The following DPH6 variants were observed in gnomAD, a reference collection of about 807,000 sequenced individuals.
The protein encoded by DPH6 is diphthamine biosynthesis 6, also known as diphthine--ammonia ligase.
Under a neutral mutation model 38.2 loss-of-function variants are expected in DPH6, and 33 were observed. The observed-to-expected ratio is 0.86, with a 90% confidence interval of 0.65 to 1.15. The LOEUF is 1.15. Ranked by LOEUF, DPH6 falls within the 50% of genes most tolerant of loss-of-function variation. The pLI, the probability that DPH6 is intolerant of heterozygous loss-of-function variation, is 0.00. For synonymous variants in DPH6, 108 were observed against 103.0 expected, an observed-to-expected ratio of 1.05 and a Z score of -0.30; for missense variants, 325 against 320.0, an observed-to-expected ratio of 1.02 and a Z score of -0.12.
chr15:35,316,375 G>C (rs2052188757), intron 3 of DPH6, among the ~76,000 whole-genome samples: 1 of 152,118 alleles, frequency 6.6e-6, no homozygotes, highest in South Asian at 2.1e-4. Context: ...GTCAAAAATA[G>C]ATGATAGGAT....
At chr15:35,408,182 A>G (rs1359697683) in intron 6 of DPH6, among the ~76,000 whole-genome samples, 2 of 151,998 alleles carry the variant, frequency 1.3e-5, no homozygotes, top group African/African-American at 4.8e-5. Flanking sequence ...CAGGTGAGGG[A>G]AAGAGGAGTC....
At chr15:35,410,726 G>A (rs1595539857) in intron 6 of DPH6, 109 bp downstream of exon 6, 4 of 777,326 alleles carry the variant, frequency 5.1e-6, no homozygotes, top group Non-Finnish European at 5.9e-6. Flanking sequence ...TATTATGAAT[G>A]TATTTGATTT....
intron 3 of DPH6, among the ~76,000 whole-genome samples, chr15:35,317,895 T>C (rs998887146): frequency 2.6e-5 from 4 of 151,898 alleles, no homozygotes; most frequent in South Asian, 4.1e-4. Flanking sequence ...CCTTAGCATA[T>C]GCAGTAAAAC....
chr15:35,396,659 C>T (rs948531539), intron 6 of DPH6, among the ~76,000 whole-genome samples: 19 of 152,074 alleles, frequency 1.2e-4, no homozygotes, highest in Admixed American at 6.6e-5. Flanking sequence ...TCTTAAAGTA[C>T]ATTTTAATAT....
intron 3 of DPH6, among the ~76,000 whole-genome samples, chr15:35,222,812 G>C (rs758022698): frequency 6.6e-6 from 1 of 152,068 alleles, no homozygotes; most frequent in Non-Finnish European, 1.5e-5. Context: ...ACATTGCCAG[G>C]GTGAAATTCA....
Position 35,372,194 on chromosome 15 carries a change from C to A in DPH6, c.760G>T (p.Val254Leu). ...TTAGATGTTCTGTAGTTGTCAGGCA[C>A]TGAGGACACCTAAAAAAAAAAGGGA... The part of the protein sequence containing the change: ...ELHLEDKVSS[V>L]PDNYRTSNYI... The change falls in exon 9 of 9, where the codon GTG becomes TTG. Residue 254 changes from valine to leucine, a missense_variant. Transcript: ENST00000256538. 1.3e-6 allele frequency: 2 copies of A among 1,490,292 alleles called. No homozygotes were observed. Among genetic ancestry groups the A allele is most frequent in the Non-Finnish European group, 8.9e-7 (1 of 1,127,542 alleles). 92.3% of individuals were successfully genotyped at this position (1,490,292 alleles called of 1,614,324 possible). A position where few individuals can be genotyped will look rare whatever the true frequency, so the allele number is the denominator to read the frequency against.
intron 3 of DPH6, among the ~76,000 whole-genome samples, chr15:35,352,963 G>T (rs375736370): frequency 6.6e-6 from 1 of 152,136 alleles, no homozygotes; most frequent in Non-Finnish European, 1.5e-5. Flanking sequence ...ACTTTTCAAT[G>T]ATCGCCATTC....
chr15:35,276,085 G>A (rs891612074), intron 3 of DPH6, among the ~76,000 whole-genome samples: 1 of 152,112 alleles, frequency 6.6e-6, no homozygotes, highest in Non-Finnish European at 1.5e-5. Context: ...AGTGTTTCCT[G>A]TTCACCACAT....
At chr15:35,350,873 T>G (rs969858457) in intron 3 of DPH6, among the ~76,000 whole-genome samples, 3 of 152,216 alleles carry the variant, frequency 2.0e-5, no homozygotes, top group Admixed American at 6.5e-5. Flanking sequence ...AAACATTCTG[T>G]GGGCATTTTA....
chr15:35,496,564 A>ATGG (rs1360064768), intron 3 of DPH6, among the ~76,000 whole-genome samples: 1 of 95,128 alleles, frequency 1.1e-5, no homozygotes, highest in Non-Finnish European at 2.0e-5. Flanking sequence ...TCAAAAAAAA[A>ATGG]AAAATATATA....
At chr15:35,195,648 A>T in the DPH6 span, among the ~76,000 whole-genome samples, 1 of 152,182 alleles carries the variant, frequency 6.6e-6, no homozygotes, top group Non-Finnish European at 1.5e-5. Flanking sequence ...GGCTCCACAG[A>T]CAATTAAAGT....
chr15:35,437,820 G>A (rs913637460), intron 5 of DPH6, among the ~76,000 whole-genome samples: 1 of 152,232 alleles, frequency 6.6e-6, no homozygotes, highest in Admixed American at 6.5e-5. Flanking sequence ...CTGTAACCAT[G>A]TGGCAGTGCT....
At chr15:35,489,961 A>T (rs563070591) in intron 3 of DPH6, 716 of 983,212 alleles carry the variant, frequency 7.3e-4, no homozygotes, top group South Asian at 9.9e-4. Flanking sequence ...ACAAACAGCT[A>T]AACAAAACTA....
intron 3 of DPH6, among the ~76,000 whole-genome samples, chr15:35,245,656 A>C (rs2051633151): frequency 6.6e-6 from 1 of 152,232 alleles, no homozygotes; most frequent in Non-Finnish European, 1.5e-5. Context: ...TTTTCCAAGA[A>C]GACTTATTTC....
At chr15:35,492,785 T>C (rs1293582784) in intron 3 of DPH6, among the ~76,000 whole-genome samples, 1 of 152,158 alleles carries the variant, frequency 6.6e-6, no homozygotes, top group Non-Finnish European at 1.5e-5. Flanking sequence ...AAATAACTTG[T>C]TCAAGAACAC....
At chr15:35,295,233 G>A (rs144124957) in intron 3 of DPH6, among the ~76,000 whole-genome samples, 1,546 of 152,216 alleles carry the variant, frequency 0.01, 17 homozygotes, top group South Asian at 0.026. Flanking sequence ...AAACCCATCT[G>A]CTACCCATCT....
At chr15:35,317,915 GAAT>G (rs2052207235) in intron 3 of DPH6, among the ~76,000 whole-genome samples, 1 of 151,618 alleles carries the variant, frequency 6.6e-6, no homozygotes, top group Non-Finnish European at 1.5e-5. Context: ...CACAGTAAAT[GAAT>G]GTATAATTAA....
intron 3 of DPH6, among the ~76,000 whole-genome samples, chr15:35,462,086 G>A (rs147662633): frequency 1.1e-4 from 17 of 152,108 alleles, no homozygotes; most frequent in African/African-American, 2.2e-4. Flanking sequence ...TCTTTATGAC[G>A]TGCATCCTAT....
chr15:35,478,500 A>C (rs2054289375), intron 3 of DPH6, among the ~76,000 whole-genome samples: 1 of 151,730 alleles, frequency 6.6e-6, no homozygotes, highest in African/African-American at 2.4e-5. Context: ...TACTATCAAC[A>C]CTATTTCTAA....
Sources: allele counts gnomAD v4.1 joint callset (sites outside exome capture counted in the v4.1 genomes callset), GRCh38; gene constraint gnomAD v4.1.1; transcripts MANE v1.5; gene names NCBI Gene and HGNC (gene_info 2026-07-23, HGNC 2026-07-21).